Variants in BTBD2 observed in about 807,000 individuals in gnomAD.
BTBD2 encodes the protein BTB/POZ domain-containing protein 2.
In BTBD2, 15 loss-of-function variants were observed where a neutral mutation model predicts 44.0. That is an observed-to-expected ratio of 0.34 (90% CI 0.23 to 0.53). The LOEUF (loss-of-function observed/expected upper bound fraction) is 0.53. BTBD2 is among the 20% of genes least tolerant of loss of function. The probability of loss-of-function intolerance (pLI) is 0.95; values close to 1 mark genes in which losing one functional copy is unlikely to be tolerated. For synonymous variants in BTBD2, 443 were observed against 335.9 expected, an observed-to-expected ratio of 1.32 and a Z score of -3.49; for missense variants, 657 against 746.4, an observed-to-expected ratio of 0.88 and a Z score of 1.39.
intron 2 of BTBD2, among the ~76,000 whole-genome samples, chr19:1,993,933 G>C (rs958825981): frequency 5.4e-5 from 7 of 129,964 alleles, no homozygotes; most frequent in African/African-American, 2.0e-4. Context: ...GGAGGCAGAT[G>C]TTGCAGTGAG....
intron 1 of BTBD2, among the ~76,000 whole-genome samples, chr19:2,002,272 G>A (rs574473519): frequency 7.2e-5 from 11 of 152,066 alleles, no homozygotes; most frequent in Non-Finnish European, 1.5e-4. Flanking sequence ...GTACAGACGG[G>A]GTCTCGCTAT....
At position 1,986,956 on chromosome 19, in the gene BTBD2, G is replaced by A. The variant is rs199975886; in HGVS notation, c.1290C>T (p.Asn430=). The A allele has an allele frequency of 2.3e-5, 37 of 1,612,912 alleles. No homozygotes were observed. Among genetic ancestry groups the A allele is most frequent in the Admixed American group, 1.2e-4 (7 of 59,952 alleles). Residue 430 remains asparagine (N), a synonymous_variant, in exon 8 of 9, where the codon AAC becomes AAT. Coordinates refer to ENST00000255608, the MANE Select transcript of BTBD2 (RefSeq NM_017797.4). ...CCGTGTCGTTCTGGCCCAAGACGGT[G>A]TTGCTATCGGTGTGAATAATCTGCG... ...VNIQIIHTDS[N]TVLGQNDTGF...
chr19:2,007,809 C>A (rs1419296946), intron 1 of BTBD2, among the ~76,000 whole-genome samples: 1 of 151,244 alleles, frequency 6.6e-6, no homozygotes, highest in Non-Finnish European at 1.5e-5. Flanking sequence ...GCCTGGGCAA[C>A]AGAGCGAGAC....
chr19:2,008,311 T>C (rs2016420367), intron 1 of BTBD2, among the ~76,000 whole-genome samples: 1 of 150,196 alleles, frequency 6.7e-6, no homozygotes, highest in Non-Finnish European at 1.5e-5. Context: ...CTCTTTTTTT[T>C]TTTTTCTAGG....
intron 1 of BTBD2, among the ~76,000 whole-genome samples, chr19:2,014,894 G>A (rs146669673): frequency 1.0e-3 from 157 of 151,736 alleles, no homozygotes; most frequent in Non-Finnish European, 1.8e-3. Flanking sequence ...TGGGGATGGA[G>A]GGGTGCAGAG....
chr19:1,990,733 G>T lies in BTBD2; in HGVS notation c.774C>A (p.Phe258Leu). The T allele has an allele frequency of 6.2e-7, 1 of 1,602,374 alleles. No individual in the cohort carries two copies. The highest frequency in any genetic ancestry group is 8.5e-7 in the Non-Finnish European group (1 of 1,174,788). The change falls in exon 4 of 9, where the codon TTC (phenylalanine) becomes TTA (leucine). Residue 258 changes from phenylalanine to leucine, a missense_variant. Transcript: ENST00000255608. ...GGCCCTTACCCAGGTCAATGTCGGT[G>T]AAGCCCTCCGCGGTGATGGCGTCTG... ...NTADAITAEG[F>L]TDIDLDTLVA...
intron 2 of BTBD2, among the ~76,000 whole-genome samples, chr19:1,996,861 G>GACTC: frequency 6.6e-6 from 1 of 151,170 alleles, no homozygotes; most frequent in African/African-American, 2.4e-5. Flanking sequence ...AACAGAGCAA[G>GACTC]ACCACGTCTA....
Position 2,015,313 on chromosome 19 carries a change from G to T in BTBD2, c.391C>A (p.Arg131Ser). 1 of 1,567,734 alleles carries T rather than the reference G, an allele frequency of 6.4e-7. No individual in the cohort carries two copies. The highest frequency in any genetic ancestry group is 8.6e-7 in the Non-Finnish European group (1 of 1,164,206). ...FLVGKGLSSQ[R>S]IPAHRFVLAV... ...GGCGCCCACCTGTGCGCGGGGATGC[G>T]CTGCGAGCTGAGCCCCTTGCCCACC... The change falls in exon 1 of 9, where the codon CGC (arginine) becomes AGC (serine). Residue 131 changes from arginine (R) to serine (S), a missense_variant. Arg to Ser is a moderately radical substitution (Grantham distance 110, BLOSUM62 -1). Coordinates refer to ENST00000255608, the MANE Select transcript of BTBD2 (RefSeq NM_017797.4).
chr19:1,990,897 C>T (rs999125338), intron 3 of BTBD2, 75 bp from the exon 4 acceptor site: 8 of 1,340,078 alleles, frequency 6.0e-6, no homozygotes, highest in African/African-American at 4.3e-5. Flanking sequence ...AGTGCGGGGC[C>T]GGTTCAAATG....
At chr19:1,999,056 G>C (rs1296908159) in intron 1 of BTBD2, among the ~76,000 whole-genome samples, 1 of 152,104 alleles carries the variant, frequency 6.6e-6, no homozygotes, top group Non-Finnish European at 1.5e-5. Flanking sequence ...TCCAGGACTG[G>C]CTGGGCGACC....
Position 2,015,632 on chromosome 19 carries a change from GC to G in BTBD2, c.71del (p.Gly24AlafsTer167). 1 of 981,940 alleles carries G rather than the reference GC, an allele frequency of 1.0e-6. No individual in the cohort carries two copies. Among genetic ancestry groups the G allele is most frequent in the Non-Finnish European group, 1.2e-6 (1 of 831,188 alleles). 60.8% of individuals were successfully genotyped at this position (981,940 alleles called of 1,614,324 possible). A position where few individuals can be genotyped will look rare whatever the true frequency, so the allele number is the denominator to read the frequency against. On this transcript the variant is annotated frameshift_variant, in exon 1 of 9. Transcript: ENST00000255608. LOFTEE classifies it high-confidence loss of function. ...PGVGVGPGTG[G>X]SPGPSANAAA... ...CGGCGTTGGCGCTGGGCCCGGGACT[GC>G]CCCCCGTGCCCGGGCCGACCCCGAC... is the stretch of plus-strand genomic sequence containing the variant.
chr19:2,009,758 G>A (rs535486380), intron 1 of BTBD2, among the ~76,000 whole-genome samples: 203 of 152,264 alleles, frequency 1.3e-3, no homozygotes, highest in African/African-American at 4.1e-3. Flanking sequence ...GCTGAGACAG[G>A]AGAATTGCTT....
chr19:2,004,766 C>T (rs756222263), intron 1 of BTBD2, among the ~76,000 whole-genome samples: 11 of 151,164 alleles, frequency 7.3e-5, no homozygotes, highest in Non-Finnish European at 1.0e-4. Context: ...ATCACTTGAG[C>T]CCAGGAGTTT....
chr19:1,987,666 C>A lies in BTBD2; in HGVS notation c.1015G>T (p.Asp339Tyr). The A allele has an allele frequency of 1.2e-6, 2 of 1,607,926 alleles. No individual in the cohort carries two copies. The highest frequency in any genetic ancestry group is 1.1e-5 in the South Asian group (1 of 90,316). Reference protein sequence around the residue: ...AGPAQSGILVDREVVSLFLHF... With the variant: ...AGPAQSGILVYREVVSLFLHF... ...AGGAAGAGGCTGACCACCTCGCGGT[C>A]CACCAGGATGCCCGACTGTGCGGGA... is the stretch of plus-strand genomic sequence containing the variant. Residue 339 changes from aspartate (D) to tyrosine (Y), a missense_variant, in exon 6 of 9, where the codon GAC (aspartate) becomes TAC (tyrosine). Transcript: ENST00000255608.
At chr19:1,989,025 G>A (rs1176170112) in intron 5 of BTBD2, among the ~76,000 whole-genome samples, 2 of 152,178 alleles carry the variant, frequency 1.3e-5, no homozygotes, top group African/African-American at 4.8e-5. Context: ...TGATTCTCCT[G>A]CCTCAGCCTC....
At chr19:2,007,403 G>A (rs1320883110) in intron 1 of BTBD2, among the ~76,000 whole-genome samples, 1 of 152,194 alleles carries the variant, frequency 6.6e-6, no homozygotes, top group African/African-American at 2.4e-5. Context: ...AGTATGGCCT[G>A]CCAAAAATAT....
Position 1,993,083 on chromosome 19 carries a change from G to A in BTBD2, c.621C>T (p.Ala207=). Reference sequence around the variant, plus strand: ...TCTTCTTCAGGAACTCCACGCAATGGGCCTCGAGCGCTGGCACCGCGTACT... The same window carrying A: ...TCTTCTTCAGGAACTCCACGCAATGAGCCTCGAGCGCTGGCACCGCGTACT... ...AKKYAVPALE[A]HCVEFLKKNL... Residue 207 remains alanine (A), a synonymous_variant, in exon 3 of 9, where the codon GCC becomes GCT. Transcript: ENST00000255608. 6.2e-7 allele frequency: 1 copy of A among 1,608,328 alleles called. No homozygotes were observed. The highest frequency in any genetic ancestry group is 8.5e-7 in the Non-Finnish European group (1 of 1,179,642).
At position 1,995,896 on chromosome 19, in the gene BTBD2, C is replaced by T. The variant is rs564566227; in HGVS notation, c.527+1448G>A. The stretch of plus-strand genomic sequence containing the variant: ...GGTCTCAATCTCCTGATCTCGTGAT[C>T]CGCCCATCTCAGCCTCCCAAAGTAC... On this transcript the variant is annotated intron_variant, in intron 2 of 8. Coordinates refer to ENST00000255608, the MANE Select transcript of BTBD2 (RefSeq NM_017797.4). 1.1e-3 allele frequency among the ~76,000 whole-genome samples: 163 copies of T among 152,214 alleles called. 2 individuals are homozygous for T. The highest frequency in any genetic ancestry group is 3.2e-3 in the African/African-American group (131 of 41,538).
chr19:1,995,279 C>CTT (rs71174402), intron 2 of BTBD2, among the ~76,000 whole-genome samples: 21 of 122,714 alleles, frequency 1.7e-4, no homozygotes, highest in Non-Finnish European at 2.9e-4. Context: ...ACTTTGGATT[C>CTT]TTTTTTTTTT....
Sources: gnomAD v4.1 joint callset for allele counts (sites outside exome capture counted in the v4.1 genomes callset) on GRCh38, gnomAD v4.1.1 for gene constraint, MANE v1.5 for transcripts, NCBI Gene and HGNC (gene_info 2026-07-23, HGNC 2026-07-21) for gene names.